Variants in TP63 observed in about 807,000 individuals in gnomAD.
TP63 encodes tumor protein p63.
A neutral mutation model predicts 82.8 loss-of-function variants in TP63; 17 were observed. The observed-to-expected ratio is 0.21, with a 90% CI of 0.14 to 0.31. The LOEUF is 0.31. Among genes scored for constraint, TP63 ranks in the 10% least tolerant of loss-of-function variants. The pLI is 1.00. For synonymous variants in TP63, 330 were observed against 321.7 expected (o/e 1.03, Z -0.28); for missense variants, 648 against 895.3 (o/e 0.72, Z 3.52).
chr3:189,769,688 G>C (rs549009913), intron 3 of TP63, among the ~76,000 whole-genome samples: 24 of 152,086 alleles, frequency 1.6e-4, no homozygotes, highest in Non-Finnish European at 3.1e-4. Flanking sequence ...CAAAATGACT[G>C]TGCCCATTTA....
At chr3:189,658,058 C>T (rs914352926) in intron 1 of TP63, among the ~76,000 whole-genome samples, 2 of 152,012 alleles carry the variant, frequency 1.3e-5, no homozygotes, top group African/African-American at 2.4e-5. Context: ...AAAACTGATG[C>T]ATCCTGTGTT....
chr3:189,721,210 C>T (rs1560134267), intron 1 of TP63, among the ~76,000 whole-genome samples: 1 of 152,132 alleles, frequency 6.6e-6, no homozygotes, highest in Non-Finnish European at 1.5e-5. Context: ...TAGATTTTCT[C>T]AGATGAATTG....
At chr3:189,822,494 A>G (rs1728898575) in intron 4 of TP63, among the ~76,000 whole-genome samples, 1 of 152,204 alleles carries the variant, frequency 6.6e-6, no homozygotes, top group South Asian at 2.1e-4. Context: ...ATATAAATAT[A>G]TATTTCAATA....
intron 3 of TP63, among the ~76,000 whole-genome samples, chr3:189,751,327 A>G (rs187725741): frequency 5.9e-5 from 9 of 152,318 alleles, no homozygotes; most frequent in Admixed American, 4.6e-4. Flanking sequence ...TCCTTTGGGT[A>G]TATACCCAGT....
In TP63 at chr3:189,808,287, C is replaced by G. The variant is rs756300145; in HGVS notation, c.340C>G (p.Leu114Val). The change falls in exon 4 of 14, where the codon CTG becomes GTG. Residue 114 changes from leucine (L) to valine (V), a missense_variant. Coordinates refer to ENST00000264731, the MANE Select transcript of TP63 (RefSeq NM_003722.5). ...SDPMWPQYTN[L>V]GLLNSMDQQI... is the part of the protein sequence containing the mutation. ...GTCCTTGCAGCCACAGTACACGAAC[C>G]TGGGGCTCCTGAACAGCATGGACCA... 1.2e-6 allele frequency: 2 copies of G among 1,614,204 alleles called. No individual in the cohort carries two copies. The highest frequency in any genetic ancestry group is 1.7e-6 in the Non-Finnish European group (2 of 1,180,038).
At chr3:189,874,319 A>G (rs1175272095) in intron 10 of TP63, among the ~76,000 whole-genome samples, 1 of 152,110 alleles carries the variant, frequency 6.6e-6, no homozygotes, top group African/African-American at 2.4e-5. Flanking sequence ...TGATCCACCC[A>G]CCTCGGCTTC....
intron 4 of TP63, among the ~76,000 whole-genome samples, chr3:189,810,579 C>G (rs766534969): frequency 6.6e-6 from 1 of 152,002 alleles, no homozygotes; most frequent in East Asian, 1.9e-4. Flanking sequence ...TCTTAAAAGC[C>G]GGGCGTGGTG....
chr3:189,881,506 T>A (rs1459386183), intron 10 of TP63: 2 of 985,276 alleles, frequency 2.0e-6, no homozygotes, highest in East Asian at 1.1e-4. Flanking sequence ...ATCTTGCAGT[T>A]TTTTTGTTTC....
intron 10 of TP63, among the ~76,000 whole-genome samples, chr3:189,883,568 G>C (rs1485542077): frequency 6.6e-6 from 1 of 152,284 alleles, no homozygotes. Context: ...AGTGAAAGAA[G>C]CTAAGAAGCT....
intron 3 of TP63, among the ~76,000 whole-genome samples, chr3:189,739,307 G>T (rs984532160): frequency 6.6e-6 from 1 of 152,020 alleles, no homozygotes; most frequent in Non-Finnish European, 1.5e-5. Flanking sequence ...GGAGAGGCAG[G>T]GTTTCGCCAT....
chr3:189,867,860 T>C lies in TP63; in HGVS notation c.910T>C (p.Tyr304His). The change falls in exon 7 of 14, where the codon TAC becomes CAC. Residue 304 changes from tyrosine to histidine, a missense_variant. Physicochemically the swap from Tyr to His is moderately conservative, Grantham distance 83 (BLOSUM62 2). This residue lies in a region of TP63 where 30 missense variants were observed against 85.4 expected (regional missense o/e 0.35). Coordinates refer to ENST00000264731, the MANE Select transcript of TP63 (RefSeq NM_003722.5). ...TGGCACTGAATTCACGACAGTCTTG[T>C]ACAATTTCATGTGTAACAGCAGTTG... ...QVGTEFTTVLYNFMCNSSCVG... is the reference protein window; with the variant it reads ...QVGTEFTTVLHNFMCNSSCVG... The C allele has an allele frequency of 6.2e-7, 1 of 1,614,122 alleles. No individual in the cohort carries two copies. The highest frequency in any genetic ancestry group is 8.5e-7 in the Non-Finnish European group (1 of 1,179,966).
intron 4 of TP63, among the ~76,000 whole-genome samples, chr3:189,849,095 A>G (rs1715308468): frequency 6.6e-6 from 1 of 152,234 alleles, no homozygotes; most frequent in South Asian, 2.1e-4. Flanking sequence ...AGCAAGGTTC[A>G]AGATAGTAAA....
At chr3:189,833,780 G>GA (rs1385617403) in intron 4 of TP63, among the ~76,000 whole-genome samples, 1 of 151,366 alleles carries the variant, frequency 6.6e-6, no homozygotes, top group Non-Finnish European at 1.5e-5. Context: ...CTATTTCCAG[G>GA]AAAAAATAGA....
chr3:189,776,868 T>C (rs1363625021), intron 3 of TP63, among the ~76,000 whole-genome samples: 1 of 152,174 alleles, frequency 6.6e-6, no homozygotes, highest in Non-Finnish European at 1.5e-5. Context: ...TGATCTTTGG[T>C]GATAGCAATA....
chr3:189,817,312 G>C (rs752337234), intron 4 of TP63, among the ~76,000 whole-genome samples: 5 of 152,094 alleles, frequency 3.3e-5, no homozygotes, highest in African/African-American at 7.2e-5. Context: ...ATTACTTAAG[G>C]GTTCTCATTT....
intron 1 of TP63, among the ~76,000 whole-genome samples, chr3:189,701,535 ATATATATATATGTAATTT>A (rs1717806089): frequency 6.8e-6 from 1 of 147,502 alleles, no homozygotes; most frequent in South Asian, 2.1e-4. Context: ...ATATATATAT[ATATATATATATGTAATTT>A]TATATATATG....
intron 1 of TP63, among the ~76,000 whole-genome samples, chr3:189,698,174 G>C (rs1211866820): frequency 2.6e-5 from 4 of 151,996 alleles, no homozygotes; most frequent in Non-Finnish European, 4.4e-5. Context: ...TTTTTTGTAG[G>C]TGTTCTATGT....
intron 3 of TP63, among the ~76,000 whole-genome samples, chr3:189,803,837 A>G (rs985394809): frequency 6.6e-6 from 1 of 152,254 alleles, no homozygotes; most frequent in Non-Finnish European, 1.5e-5. Flanking sequence ...GTTTCACAGT[A>G]GATATCACAG....
intron 3 of TP63, among the ~76,000 whole-genome samples, chr3:189,750,754 T>C (rs1302785392): frequency 6.6e-6 from 1 of 152,168 alleles, no homozygotes; most frequent in Non-Finnish European, 1.5e-5. Context: ...ATCTTGATCG[T>C]ATTGTTTATG....
Sources: gnomAD v4.1 joint callset for allele counts (sites outside exome capture counted in the v4.1 genomes callset) on GRCh38, gnomAD v4.1.1 for gene constraint, gnomAD v4.1.1 regional missense constraint, MANE v1.5 for transcripts, NCBI Gene and HGNC (gene_info 2026-07-23, HGNC 2026-07-21) for gene names.